The following SAMD12 variants were observed in gnomAD, a reference collection of about 807,000 sequenced individuals.
SAMD12 encodes the protein sterile alpha motif domain-containing protein 12.
A neutral mutation model predicts 15.0 loss-of-function variants in SAMD12; 9 were observed. The observed-to-expected ratio is 0.60, with a 90% confidence interval of 0.36 to 1.05. The LOEUF is 1.05. Ranked by LOEUF, SAMD12 falls within the 50% of genes least tolerant of loss-of-function variation. The pLI is 0.01. For missense variants in SAMD12, 230 were observed against 234.2 expected, an observed-to-expected ratio of 0.98 and a Z score of 0.12; for synonymous variants, 86 against 90.1, an observed-to-expected ratio of 0.96 and a Z score of 0.25.
At chr8:118,621,560 C>T (rs1024872934) in intron 1 of SAMD12, 1 of 558,144 alleles carries the variant, frequency 1.8e-6, no homozygotes, top group East Asian at 2.9e-5. Context: ...CAGGGACACT[C>T]GTCTCCACAC....
chr8:118,249,906 T>C (rs1267466988), intron 4 of SAMD12, among the ~76,000 whole-genome samples: 5 of 152,142 alleles, frequency 3.3e-5, no homozygotes, highest in Admixed American at 6.5e-5. Flanking sequence ...CAGAGTGCTG[T>C]TGGCCTCATC....
intron 2 of SAMD12, among the ~76,000 whole-genome samples, chr8:118,464,989 G>A (rs1408921580): frequency 6.6e-6 from 1 of 152,190 alleles, no homozygotes; most frequent in African/African-American, 2.4e-5. Flanking sequence ...CAGAGGCAAT[G>A]TGCATGGTTT....
intron 4 of SAMD12, among the ~76,000 whole-genome samples, chr8:118,241,632 G>A (rs957611011): frequency 1.3e-5 from 2 of 152,090 alleles, no homozygotes; most frequent in South Asian, 2.1e-4. Flanking sequence ...TTGTTGTGGC[G>A]TGGCAACGGA....
Position 118,378,645 on chromosome 8 carries a change from A to T in SAMD12, c.*772T>A. On this transcript the variant is annotated 3_prime_UTR_variant, in exon 4 of 4. Coordinates refer to ENST00000314727, the MANE Select transcript of SAMD12 (RefSeq NM_207506.3). ...TATGCATGCAATTACAATATTCTGCAGAATGACAAATACTCAAGGCTCTCA... is the reference window on the plus strand; with the variant it reads ...TATGCATGCAATTACAATATTCTGCTGAATGACAAATACTCAAGGCTCTCA... 2 of 985,152 alleles carry T rather than the reference A, an allele frequency of 2.0e-6. No individual in the cohort carries two copies. The highest frequency in any genetic ancestry group is 2.4e-6 in the Non-Finnish European group (2 of 829,662). 61.0% of individuals were successfully genotyped at this position (985,152 alleles called of 1,614,324 possible).
At chr8:118,135,022 G>A in the SAMD12 span, among the ~76,000 whole-genome samples, 2 of 152,178 alleles carry the variant, frequency 1.3e-5, no homozygotes, top group Non-Finnish European at 2.9e-5. Flanking sequence ...GCTGCTGCTG[G>A]TCCAGAAACC....
At chr8:118,309,400 GTGTGTGTA>G (rs764655543) in intron 4 of SAMD12, among the ~76,000 whole-genome samples, 7 of 151,346 alleles carry the variant, frequency 4.6e-5, no homozygotes, top group South Asian at 2.1e-4. Flanking sequence ...GTGTGTGTGT[GTGTGTGTA>G]TGTGTATTAT....
intron 2 of SAMD12, among the ~76,000 whole-genome samples, chr8:118,560,924 C>G (rs1826683306): frequency 6.6e-6 from 1 of 151,924 alleles, no homozygotes; most frequent in South Asian, 2.1e-4. Context: ...ATATGAAAAC[C>G]AAAAAGTTTT....
chr8:118,502,101 C>G (rs1824800818), intron 2 of SAMD12, among the ~76,000 whole-genome samples: 1 of 151,394 alleles, frequency 6.6e-6, no homozygotes, highest in Non-Finnish European at 1.5e-5. Context: ...TTCTAACAAG[C>G]TTCCAAACTG....
At chr8:118,278,951 C>T (rs1470175507) in intron 4 of SAMD12, among the ~76,000 whole-genome samples, 2 of 152,070 alleles carry the variant, frequency 1.3e-5, no homozygotes, top group Admixed American at 6.6e-5. Flanking sequence ...AAGGTTTGCC[C>T]CAAAATACAA....
At chr8:118,521,025 T>C (rs1256631367) in intron 2 of SAMD12, among the ~76,000 whole-genome samples, 2 of 152,220 alleles carry the variant, frequency 1.3e-5, no homozygotes, top group African/African-American at 4.8e-5. Flanking sequence ...TTAAAATGTA[T>C]ATTAATGCAT....
chr8:118,351,316 A>C (rs1586582377), intron 4 of SAMD12, among the ~76,000 whole-genome samples: 1 of 152,200 alleles, frequency 6.6e-6, no homozygotes, highest in South Asian at 2.1e-4. Flanking sequence ...CTCTGCCTAC[A>C]GTTGTTGCTG....
At chr8:118,407,899 C>A (rs527259176) in intron 3 of SAMD12, among the ~76,000 whole-genome samples, 18 of 152,202 alleles carry the variant, frequency 1.2e-4, no homozygotes, top group African/African-American at 4.3e-4. Flanking sequence ...TACAAATGAA[C>A]CTACTATCTT....
At chr8:118,231,415 C>T (rs771457929) in intron 4 of SAMD12, among the ~76,000 whole-genome samples, 4 of 152,264 alleles carry the variant, frequency 2.6e-5, no homozygotes, top group Non-Finnish European at 5.9e-5. Flanking sequence ...ATAATTCATT[C>T]ATTCGACCCA....
the SAMD12 span, among the ~76,000 whole-genome samples, chr8:118,156,030 T>C: frequency 6.6e-6 from 1 of 152,212 alleles, no homozygotes; most frequent in Non-Finnish European, 1.5e-5. Context: ...GCATGATTTA[T>C]TTTCAGTCTT....
At chr8:118,375,284 G>A (rs965568345), downstream of SAMD12, among the ~76,000 whole-genome samples, 6 of 152,118 alleles carry the variant, frequency 3.9e-5, no homozygotes, top group Non-Finnish European at 8.8e-5. Context: ...AGACAGACCT[G>A]TGCTATGCTT....
At chr8:118,238,604 A>G (rs560966606) in intron 4 of SAMD12, among the ~76,000 whole-genome samples, 1 of 152,268 alleles carries the variant, frequency 6.6e-6, no homozygotes, top group Non-Finnish European at 1.5e-5. Context: ...ATAGACATAA[A>G]TTATATCATT....
intron 4 of SAMD12, among the ~76,000 whole-genome samples, chr8:118,241,582 T>C (rs1333943403): frequency 2.0e-5 from 3 of 152,166 alleles, no homozygotes. Context: ...CAACTCTTGA[T>C]AAGCATACTG....
chr8:118,558,205 G>T (rs976820387), intron 2 of SAMD12, among the ~76,000 whole-genome samples: 65 of 152,176 alleles, frequency 4.3e-4, no homozygotes, highest in African/African-American at 1.6e-3. Context: ...TGCACAAGAA[G>T]AATGTATATT....
the SAMD12 span, among the ~76,000 whole-genome samples, chr8:118,178,726 A>G: frequency 6.6e-6 from 1 of 152,148 alleles, no homozygotes; most frequent in Non-Finnish European, 1.5e-5. Flanking sequence ...TCAGCCTCCC[A>G]AAGTGCTGGT....
Sources: allele counts gnomAD v4.1 joint callset (sites outside exome capture counted in the v4.1 genomes callset), GRCh38; gene constraint gnomAD v4.1.1; transcripts MANE v1.5; gene names NCBI Gene and HGNC (gene_info 2026-07-23, HGNC 2026-07-21).